CSMD1: variants seen among roughly 807,000 people sequenced by gnomAD.
CSMD1 encodes CUB and sushi domain-containing protein 1.
CSMD1 carries 213 observed loss-of-function variants against 417.5 expected under a neutral mutation model. The ratio of observed to expected loss-of-function variants is 0.51; its 90% confidence interval spans 0.46 to 0.57. CSMD1 has a LOEUF of 0.57. Ranked by LOEUF, CSMD1 falls within the 20% of genes least tolerant of loss-of-function variation. The pLI, the probability that CSMD1 is intolerant of heterozygous loss-of-function variation, is 0.00. For missense variants in CSMD1, 6,923 were observed against 4,529.7 expected, an observed-to-expected ratio of 1.53 and a Z score of -15.17; for synonymous variants, 2,862 against 1,736.8, an observed-to-expected ratio of 1.65 and a Z score of -16.11.
chr8:3,651,311 T>C (rs1353796900), intron 7 of CSMD1, among the ~76,000 whole-genome samples: 1 of 152,148 alleles, frequency 6.6e-6, no homozygotes, highest in African/African-American at 2.4e-5. Context: ...CTTACATTGA[T>C]TCATAAAACC....
At chr8:4,772,875 A>C (rs146047065) in intron 1 of CSMD1, among the ~76,000 whole-genome samples, 112 of 152,302 alleles carry the variant, frequency 7.4e-4, no homozygotes, top group African/African-American at 2.5e-3. Context: ...ATGTGGATTT[A>C]ATCCTGTTAT....
chr8:4,078,750 T>A (rs74571310), intron 3 of CSMD1, among the ~76,000 whole-genome samples: 2,233 of 150,790 alleles, frequency 0.015, 69 homozygotes, highest in African/African-American at 0.052. Context: ...GTATTTAAAT[T>A]TCAGGCCTGG....
At chr8:3,886,121 G>A (rs1806548020) in intron 5 of CSMD1, among the ~76,000 whole-genome samples, 1 of 152,010 alleles carries the variant, frequency 6.6e-6, no homozygotes, top group Admixed American at 6.6e-5. Context: ...TGCGATCTCA[G>A]CTCACTGCAA....
chr8:4,379,746 A>T (rs1251726015), intron 3 of CSMD1, among the ~76,000 whole-genome samples: 1 of 152,188 alleles, frequency 6.6e-6, no homozygotes, highest in East Asian at 1.9e-4. Flanking sequence ...AAGTATGATA[A>T]ATGAGAAAAA....
chr8:3,893,740 C>T (rs1486548447), intron 5 of CSMD1, among the ~76,000 whole-genome samples: 1 of 152,138 alleles, frequency 6.6e-6, no homozygotes, highest in Non-Finnish European at 1.5e-5. Context: ...CATTAACATT[C>T]GCTTTGTAAT....
At chr8:4,110,255 C>T (rs114922942) in intron 3 of CSMD1, among the ~76,000 whole-genome samples, 204 of 152,110 alleles carry the variant, frequency 1.3e-3, no homozygotes, top group South Asian at 5.2e-3. Context: ...AGCTTGGCAA[C>T]GAAACAAGTC....
At chr8:3,039,879 C>T (rs190151831) in intron 50 of CSMD1, among the ~76,000 whole-genome samples, 1 of 152,244 alleles carries the variant, frequency 6.6e-6, no homozygotes, top group East Asian at 1.9e-4. Context: ...GATTTGCCGT[C>T]CCCAATATCA....
Position 4,400,690 on chromosome 8 carries a change from C to CT in CSMD1, c.415+19262dup, listed in dbSNP as rs200201744. The stretch of plus-strand genomic sequence containing the variant: ...TTTTAGGCCGTTCAGGCTAATTTGC[C>CT]TTTTTTTTCAGATTTTTTAATGGAC... On this transcript the variant is annotated intron_variant, in intron 3 of 69. Transcript: ENST00000635120. Among the ~76,000 whole-genome samples the CT allele has an allele frequency of 3.4e-3, 505 of 149,524 alleles. 17 individuals are homozygous for CT. In the East Asian group the frequency reaches 0.079, roughly 24 times the overall value.
At chr8:3,895,156 ATCACTAAT>A (rs1225901889) in intron 5 of CSMD1, among the ~76,000 whole-genome samples, 2 of 152,204 alleles carry the variant, frequency 1.3e-5, no homozygotes, top group Non-Finnish European at 2.9e-5. Flanking sequence ...TTATCTCCAA[ATCACTAAT>A]TCAGAGACAC....
chr8:3,734,433 A>G (rs1051549075), intron 6 of CSMD1, among the ~76,000 whole-genome samples: 1 of 152,192 alleles, frequency 6.6e-6, no homozygotes, highest in African/African-American at 2.4e-5. Flanking sequence ...AAACTCTGCC[A>G]GGTGCGATGG....
chr8:3,821,491 G>C (rs1307952793), intron 5 of CSMD1, among the ~76,000 whole-genome samples: 1 of 145,010 alleles, frequency 6.9e-6, no homozygotes, highest in Non-Finnish European at 1.6e-5. Context: ...CTCCATTAAA[G>C]TCTACCAGGA....
rs776164133 is a variant in CSMD1, at chr8:3,399,545, G to C, written c.2267-16C>G. ...CCACATGGAGCTAAAACAAGACGTA[G>C]AATATCTATTAGATCCAATGAGACA... On this transcript the variant is annotated splice_polypyrimidine_tract_variant and intron_variant, in intron 15 of 69. Coordinates refer to ENST00000635120, the MANE Select transcript of CSMD1 (RefSeq NM_033225.6). 6.4e-7 allele frequency: 1 copy of C among 1,566,798 alleles called. No individual in the cohort carries two copies. The highest frequency in any genetic ancestry group is 2.3e-5 in the East Asian group (1 of 43,702).
At chr8:3,163,926 C>A (rs1444443269) in intron 37 of CSMD1, among the ~76,000 whole-genome samples, 2 of 152,150 alleles carry the variant, frequency 1.3e-5, no homozygotes, top group Non-Finnish European at 2.9e-5. Context: ...GTCGGTGTGT[C>A]CATGTATATG....
intron 26 of CSMD1, among the ~76,000 whole-genome samples, chr8:3,269,867 T>C (rs1458685412): frequency 6.6e-6 from 1 of 152,176 alleles, no homozygotes; most frequent in Non-Finnish European, 1.5e-5. Context: ...TAATGGGGTT[T>C]GGATATCTCA....
At chr8:4,823,613 T>A (rs1799643657) in intron 1 of CSMD1, among the ~76,000 whole-genome samples, 1 of 151,512 alleles carries the variant, frequency 6.6e-6, no homozygotes, top group South Asian at 2.1e-4. Context: ...CAAACATACA[T>A]CGACCCCCTA....
chr8:4,988,714 T>C (rs180757885), intron 1 of CSMD1, among the ~76,000 whole-genome samples: 221 of 152,330 alleles, frequency 1.5e-3, no homozygotes, highest in Non-Finnish European at 1.5e-3. Flanking sequence ...ACTGATGGCA[T>C]TTTCCTCTCC....
intron 11 of CSMD1, among the ~76,000 whole-genome samples, chr8:3,482,103 A>G (rs1448376103): frequency 6.6e-6 from 1 of 152,208 alleles, no homozygotes; most frequent in Non-Finnish European, 1.5e-5. Flanking sequence ...ACCCTTAGGA[A>G]GGCAAGAAAA....
intron 1 of CSMD1, among the ~76,000 whole-genome samples, chr8:4,918,459 C>T (rs1253654590): frequency 6.6e-6 from 1 of 152,008 alleles, no homozygotes; most frequent in Non-Finnish European, 1.5e-5. Flanking sequence ...ACTTCATTAC[C>T]CATTTTCTAA....
chr8:3,448,251 C>A (rs991881145), intron 12 of CSMD1, among the ~76,000 whole-genome samples: 2 of 125,012 alleles, frequency 1.6e-5, no homozygotes, highest in Non-Finnish European at 3.4e-5. Context: ...GAGGATTGAT[C>A]TCAAGACCAT....
Sources: gnomAD v4.1 joint callset for allele counts (sites outside exome capture counted in the v4.1 genomes callset) on GRCh38, gnomAD v4.1.1 for gene constraint, MANE v1.5 for transcripts, NCBI Gene and HGNC (gene_info 2026-07-23, HGNC 2026-07-21) for gene names.